The following SLC9A9 variants were observed in gnomAD, a reference collection of about 807,000 sequenced individuals.
The protein encoded by SLC9A9 is sodium/hydrogen exchanger 9.
A neutral mutation model predicts 77.8 loss-of-function variants in SLC9A9; 62 were observed. The observed-to-expected ratio is 0.80, with a 90% CI of 0.65 to 0.98. SLC9A9 has a LOEUF of 0.98. Among genes scored for constraint, SLC9A9 ranks in the 50% least tolerant of loss-of-function variants. The pLI is 0.00. For missense variants in SLC9A9, 775 were observed against 774.9 expected (o/e 1.00, Z 0.00); for synonymous variants, 320 against 283.5 (o/e 1.13, Z -1.29).
At chr3:143,612,865 AAAG>A (rs2038044980) in intron 6 of SLC9A9, among the ~76,000 whole-genome samples, 1 of 152,250 alleles carries the variant, frequency 6.6e-6, no homozygotes, top group Non-Finnish European at 1.5e-5. Flanking sequence ...CAACTTGCTT[AAAG>A]AAGCATCTTA....
intron 6 of SLC9A9, among the ~76,000 whole-genome samples, chr3:143,643,700 A>G (rs1410232815): frequency 4.6e-5 from 7 of 152,166 alleles, no homozygotes; most frequent in Non-Finnish European, 5.9e-5. Flanking sequence ...CATAGGACCT[A>G]TCATTTTAAT....
At chr3:143,460,441 C>T (rs1488388072) in intron 12 of SLC9A9, among the ~76,000 whole-genome samples, 3 of 150,834 alleles carry the variant, frequency 2.0e-5, no homozygotes, top group East Asian at 1.9e-4. Flanking sequence ...TTTTTTCAAA[C>T]GTTGGCTGTT....
chr3:143,275,980 G>A (rs1501626), intron 14 of SLC9A9, among the ~76,000 whole-genome samples: 25,319 of 152,096 alleles, frequency 0.17, 4,172 homozygotes, highest in African/African-American at 0.42. Context: ...GAAATATGGC[G>A]GTTTGCATGA....
At chr3:143,715,993 C>T (rs16854182) in intron 4 of SLC9A9, among the ~76,000 whole-genome samples, 5,237 of 152,300 alleles carry the variant, frequency 0.034, 292 homozygotes, top group African/African-American at 0.12. Flanking sequence ...AAGCCACCAT[C>T]GTCCATAGCA....
At chr3:143,376,307 CT>C (rs1559888767) in intron 13 of SLC9A9, among the ~76,000 whole-genome samples, 1 of 152,174 alleles carries the variant, frequency 6.6e-6, no homozygotes, top group Admixed American at 6.5e-5. Context: ...ACAGGCTATC[CT>C]TACTGGGAAG....
At chr3:143,508,873 A>C (rs1330846562) in intron 9 of SLC9A9, among the ~76,000 whole-genome samples, 1 of 152,228 alleles carries the variant, frequency 6.6e-6, no homozygotes, top group African/African-American at 2.4e-5. Context: ...GTATTTCAGT[A>C]AGATTTTTAA....
chr3:143,272,261 G>A (rs1937918606), intron 14 of SLC9A9, among the ~76,000 whole-genome samples: 1 of 152,162 alleles, frequency 6.6e-6, no homozygotes, highest in African/African-American at 2.4e-5. Flanking sequence ...ACAGAGACAA[G>A]GCACCCATAC....
intron 4 of SLC9A9, among the ~76,000 whole-genome samples, chr3:143,784,697 T>C (rs984128072): frequency 6.6e-6 from 1 of 152,114 alleles, no homozygotes; most frequent in Admixed American, 6.6e-5. Flanking sequence ...TACCTTGATA[T>C]CTCTGAAGAT....
rs896662108 is a variant in SLC9A9, at chr3:143,468,668, G to T, written c.1316-1478C>A. On this transcript the variant is annotated intron_variant, in intron 11 of 15. Coordinates refer to ENST00000316549, the MANE Select transcript of SLC9A9 (RefSeq NM_173653.4). ...AAAATCAAATGTGTCAGACAACAAA[G>T]AAAACTAAGCTTATGGACCACTGAA... 3.9e-5 allele frequency among the ~76,000 whole-genome samples: 6 copies of T among 152,102 alleles called. No homozygotes were observed. The East Asian group carries it at 1.2e-3, about 29-fold the overall frequency.
In SLC9A9 at chr3:143,729,832, T is replaced by C. The variant is rs529766093; in HGVS notation, c.534-36525A>G. On this transcript the variant is annotated intron_variant, in intron 4 of 15. Coordinates refer to ENST00000316549, the MANE Select transcript of SLC9A9 (RefSeq NM_173653.4). The stretch of plus-strand genomic sequence containing the variant: ...GCCTGGCAACCTTTACTGTTACTCG[T>C]CTTCCAAAATAAACAAAAATATAAC... Among the ~76,000 whole-genome samples the C allele has an allele frequency of 2.6e-5, 4 of 152,308 alleles. No individual in the cohort carries two copies. The South Asian group carries it at 8.3e-4, about 32-fold the overall frequency.
intron 12 of SLC9A9, among the ~76,000 whole-genome samples, chr3:143,432,538 C>T (rs1411263979): frequency 6.6e-6 from 1 of 152,108 alleles, no homozygotes; most frequent in Non-Finnish European, 1.5e-5. Context: ...AGAGCTTTAC[C>T]GAGAAAAGGT....
At chr3:143,545,642 C>A (rs13090915) in intron 9 of SLC9A9, among the ~76,000 whole-genome samples, 16,900 of 152,182 alleles carry the variant, frequency 0.11, 1,161 homozygotes, top group Non-Finnish European at 0.14. Context: ...AGGATGCAGG[C>A]AGTCTTAGGA....
chr3:143,740,585 A>T (rs1192146824), intron 4 of SLC9A9, among the ~76,000 whole-genome samples: 1 of 152,226 alleles, frequency 6.6e-6, no homozygotes, highest in Admixed American at 6.5e-5. Flanking sequence ...AACATCTTCC[A>T]TACAATTAGT....
intron 14 of SLC9A9, among the ~76,000 whole-genome samples, chr3:143,312,492 C>T (rs1051534490): frequency 2.0e-5 from 3 of 152,234 alleles, no homozygotes; most frequent in Non-Finnish European, 4.4e-5. Flanking sequence ...CATGGCCCTT[C>T]CAAGTGGGAC....
At position 143,266,900 on chromosome 3, in the gene SLC9A9, G is replaced by A. The variant is rs1937740609; in HGVS notation, c.1740C>T (p.Cys580=). ...GEQLKEDDVE[C]IVNQDELAIN... ...TGGCTAGTTCATCCTGGTTTACAAT[G>A]CATTCCACATCATCCTCTTTTAGCT... The change falls in exon 16 of 16, where the codon TGC becomes TGT. Residue 580 remains cysteine (C), a synonymous_variant. Transcript: ENST00000316549. 6 of 1,614,036 alleles carry A rather than the reference G, an allele frequency of 3.7e-6. No homozygotes were observed. The highest frequency in any genetic ancestry group is 4.2e-6 in the Non-Finnish European group (5 of 1,179,958).
rs1445418250 is a variant in SLC9A9 at position 143,832,033 on chromosome 3, C to A, written c.364G>T (p.Ala122Ser). Reference protein sequence around the residue: ...QHNINPHQGNAILEKMTFDPE... With the variant: ...QHNINPHQGNSILEKMTFDPE... ...AGGATCCTTACCTTTTCAAGTATAG[C>A]ATTTCCTTGATGAGGATTGATGTTG... is the stretch of plus-strand genomic sequence containing the variant. Residue 122 changes from alanine to serine, a missense_variant, in exon 2 of 16, where the codon GCT (alanine) becomes TCT (serine). Transcript: ENST00000316549. 1 of 1,611,800 alleles carries A rather than the reference C, an allele frequency of 6.2e-7. No homozygotes were observed. Among genetic ancestry groups the A allele is most frequent in the South Asian group, 1.1e-5 (1 of 91,034 alleles).
At chr3:143,824,377 T>C (rs1239433842) in intron 2 of SLC9A9, among the ~76,000 whole-genome samples, 1 of 152,194 alleles carries the variant, frequency 6.6e-6, no homozygotes, top group Non-Finnish European at 1.5e-5. Flanking sequence ...GTCCTCTGCT[T>C]TGAAATTCCC....
intron 4 of SLC9A9, among the ~76,000 whole-genome samples, chr3:143,751,626 T>G (rs2006720053): frequency 6.6e-6 from 1 of 152,146 alleles, no homozygotes; most frequent in Non-Finnish European, 1.5e-5. Flanking sequence ...CTCCCACCGC[T>G]TCTTTCCACA....
At chr3:143,466,864 G>A (rs2035287949) in intron 12 of SLC9A9, among the ~76,000 whole-genome samples, 173 bp downstream of exon 12, 1 of 152,218 alleles carries the variant, frequency 6.6e-6, no homozygotes, top group South Asian at 2.1e-4. Context: ...GGAAAAGTCA[G>A]TGTGGTTGGT....
Sources: gnomAD v4.1 joint callset for allele counts (sites outside exome capture counted in the v4.1 genomes callset) on GRCh38, gnomAD v4.1.1 for gene constraint, MANE v1.5 for transcripts, NCBI Gene and HGNC (gene_info 2026-07-23, HGNC 2026-07-21) for gene names.